The following SHISA9 variants were observed in gnomAD, a reference collection of about 807,000 sequenced individuals.
SHISA9 encodes shisa family member 9.
SHISA9 carries 13 observed loss-of-function variants against 38.0 expected under a neutral mutation model. The observed-to-expected ratio is 0.34, with a 90% confidence interval of 0.22 to 0.54. The LOEUF is 0.54. Among genes scored for constraint, SHISA9 ranks in the 20% least tolerant of loss-of-function variants. The pLI is 0.91. For synonymous variants in SHISA9, 275 were observed against 242.0 expected (o/e 1.14, Z -1.27); for missense variants, 538 against 575.8 (o/e 0.93, Z 0.67).
At chr16:13,427,222 C>A in the SHISA9 span, among the ~76,000 whole-genome samples, 1 of 152,152 alleles carries the variant, frequency 6.6e-6, no homozygotes, top group Non-Finnish European at 1.5e-5. Context: ...CAGAGTCACA[C>A]GTCAAAGAGA....
At chr16:13,072,667 T>G (rs1265793348) in intron 2 of SHISA9, among the ~76,000 whole-genome samples, 1 of 146,012 alleles carries the variant, frequency 6.8e-6, no homozygotes, top group South Asian at 2.1e-4. Context: ...AGTAAAATCT[T>G]TTTTTTTTTT....
chr16:13,048,520 C>G (rs1285383787), intron 2 of SHISA9, among the ~76,000 whole-genome samples: 1 of 152,176 alleles, frequency 6.6e-6, no homozygotes, highest in African/African-American at 2.4e-5. Context: ...CTCCCAGGTT[C>G]AAGTGATTCT....
chr16:13,196,718 G>C lies in SHISA9; in HGVS notation c.692-6676G>C, dbSNP rs1042943112. On this transcript the variant is annotated intron_variant, in intron 2 of 4. Transcript: ENST00000558583. ...TAATAATAGGGAAACTGGGTCTGGA[G>C]GATACAGGAACTCTCTGTACTATCT... Among the ~76,000 whole-genome samples the C allele has an allele frequency of 2.0e-5, 3 of 152,202 alleles. No individual in the cohort carries two copies. The East Asian group carries it at 5.8e-4, about 29-fold the overall frequency.
intron 2 of SHISA9, among the ~76,000 whole-genome samples, chr16:13,148,766 A>G (rs1045835235): frequency 6.6e-6 from 1 of 151,746 alleles, no homozygotes; most frequent in East Asian, 1.9e-4. Context: ...CCCAGGGATC[A>G]TAATTCAACA....
intron 2 of SHISA9, among the ~76,000 whole-genome samples, chr16:13,170,673 T>C (rs1226034416): frequency 1.3e-5 from 2 of 152,186 alleles, no homozygotes; most frequent in Non-Finnish European, 2.9e-5. Context: ...TGTTTGTTTT[T>C]TGAGATGGAG....
rs182354249 is a variant in SHISA9, at chr16:13,041,408, G to T, written c.691+124593G>T. On this transcript the variant is annotated intron_variant, in intron 2 of 4. Transcript: ENST00000558583. ...CTGCTCTGCCATTCATCAGGGCTTT[G>T]TAACAGCCTGCTTCTTCCTCCAGTG... Among the ~76,000 whole-genome samples the T allele has an allele frequency of 6.5e-4, 99 of 152,272 alleles. 1 individual carries two copies. Among genetic ancestry groups the T allele is most frequent in the African/African-American group, 2.3e-3 (95 of 41,560 alleles).
chr16:13,272,398 AT>A, the SHISA9 span, among the ~76,000 whole-genome samples: 83 of 151,376 alleles, frequency 5.5e-4, no homozygotes, highest in African/African-American at 1.9e-3. Context: ...TTTAAAAACA[AT>A]TTTTTTTTAA....
intron 2 of SHISA9, among the ~76,000 whole-genome samples, chr16:12,985,955 C>A (rs1398979904): frequency 6.6e-6 from 1 of 152,182 alleles, no homozygotes; most frequent in Non-Finnish European, 1.5e-5. Context: ...TTACCTAAGA[C>A]CAGGCCAGCG....
chr16:13,121,267 T>G (rs913022655), intron 2 of SHISA9, among the ~76,000 whole-genome samples: 4 of 152,136 alleles, frequency 2.6e-5, no homozygotes, highest in African/African-American at 9.7e-5. Flanking sequence ...CGTGGGAGGA[T>G]CACTTGAGCC....
intron 2 of SHISA9, among the ~76,000 whole-genome samples, chr16:13,097,851 T>C (rs958729615): frequency 1.3e-5 from 2 of 152,206 alleles, no homozygotes; most frequent in African/African-American, 4.8e-5. Flanking sequence ...AGCATCCTAC[T>C]TCACCAGGTT....
At chr16:13,227,468 T>G (rs1385895097) in intron 4 of SHISA9, among the ~76,000 whole-genome samples, 1 of 151,920 alleles carries the variant, frequency 6.6e-6, no homozygotes, top group Non-Finnish European at 1.5e-5. Flanking sequence ...GGCTAAGGAG[T>G]GAGTGGTCCC....
At chr16:13,435,227 C>CT in the SHISA9 span, among the ~76,000 whole-genome samples, 377 of 139,444 alleles carry the variant, frequency 2.7e-3, 4 homozygotes, top group Middle Eastern at 3.6e-3. Flanking sequence ...TTCTTAGAAT[C>CT]TTTTTTTTTT....
chr16:12,979,302 G>GTT (rs768023707), intron 2 of SHISA9, among the ~76,000 whole-genome samples: 17 of 143,210 alleles, frequency 1.2e-4, no homozygotes, highest in African/African-American at 3.3e-4. Flanking sequence ...TGGTGCTGAA[G>GTT]TTTTTTTTTT....
At chr16:12,925,926 A>G (rs560482618) in intron 2 of SHISA9, among the ~76,000 whole-genome samples, 5 of 152,236 alleles carry the variant, frequency 3.3e-5, no homozygotes, top group Admixed American at 6.5e-5. Flanking sequence ...GGGTCTCGCT[A>G]TGTTGGCCAG....
Position 13,239,522 on chromosome 16 carries a change from T to C in SHISA9, c.*4113T>C, listed in dbSNP as rs1454480354. ...TGTTGTTTCCTGACTTTTTAATGAT[T>C]GCCATTCTAACTGGCGTGAGATGGT... On this transcript the variant is annotated 3_prime_UTR_variant, in exon 5 of 5. Coordinates refer to ENST00000558583, the MANE Select transcript of SHISA9 (RefSeq NM_001145204.3). The C allele has an allele frequency of 7.9e-5, 12 of 151,966 alleles. No individual in the cohort carries two copies. In the East Asian group the frequency reaches 1.4e-3, roughly 17 times the overall value. 9.4% of individuals were successfully genotyped at this position (151,966 alleles called of 1,614,324 possible). A position where few individuals can be genotyped will look rare whatever the true frequency, so the allele number is the denominator to read the frequency against.
At chr16:13,158,610 C>T (rs112719935) in intron 2 of SHISA9, among the ~76,000 whole-genome samples, 7 of 152,142 alleles carry the variant, frequency 4.6e-5, no homozygotes, top group Admixed American at 4.6e-4. Context: ...ATTGGCCAAG[C>T]CTAGGTCACA....
intron 4 of SHISA9, among the ~76,000 whole-genome samples, chr16:13,231,834 C>T (rs982379647): frequency 1.3e-5 from 2 of 152,160 alleles, no homozygotes; most frequent in Non-Finnish European, 2.9e-5. Flanking sequence ...CAAGGGTTTC[C>T]GTCTGTGGCC....
chr16:13,169,470 G>A (rs554842615), intron 2 of SHISA9, among the ~76,000 whole-genome samples: 16 of 152,190 alleles, frequency 1.1e-4, no homozygotes, highest in Admixed American at 3.3e-4. Flanking sequence ...ATTAATTAGA[G>A]AGATAGAGCT....
chr16:12,975,073 G>A (rs185356114), intron 2 of SHISA9, among the ~76,000 whole-genome samples: 12 of 152,156 alleles, frequency 7.9e-5, no homozygotes, highest in Admixed American at 2.6e-4. Flanking sequence ...TGTTGTGACC[G>A]GGCACTGTGT....
Sources: gnomAD v4.1 joint callset for allele counts (sites outside exome capture counted in the v4.1 genomes callset) on GRCh38, gnomAD v4.1.1 for gene constraint, MANE v1.5 for transcripts, NCBI Gene and HGNC (gene_info 2026-07-23, HGNC 2026-07-21) for gene names.